EYS: variants seen among roughly 807,000 people sequenced by gnomAD.
EYS encodes protein eyes shut homolog.
Under a neutral mutation model 282.1 loss-of-function variants are expected in EYS, and 250 were observed. The observed-to-expected ratio is 0.89, with a 90% confidence interval of 0.80 to 0.98. EYS has a LOEUF of 0.98. Ranked by LOEUF, EYS falls within the 50% of genes least tolerant of loss-of-function variation. EYS has a pLI of 0.00. For synonymous variants in EYS, 1,355 were observed against 1,282.9 expected (o/e 1.06, Z -1.20); for missense variants, 4,016 against 3,709.0 (o/e 1.08, Z -2.15).
At chr6:65,426,858 T>C (rs917987577) in intron 5 of EYS, among the ~76,000 whole-genome samples, 1 of 152,130 alleles carries the variant, frequency 6.6e-6, no homozygotes, top group African/African-American at 2.4e-5. Flanking sequence ...ATATGTAACA[T>C]CTAAAAATGA....
At chr6:65,600,976 C>A (rs962521046) in intron 2 of EYS, among the ~76,000 whole-genome samples, 29 of 151,638 alleles carry the variant, frequency 1.9e-4, no homozygotes, top group African/African-American at 6.8e-4. Flanking sequence ...ATGTCTATTT[C>A]TTTATATGAG....
chr6:64,605,322 G>A (rs578234354), intron 24 of EYS, among the ~76,000 whole-genome samples: 1 of 151,856 alleles, frequency 6.6e-6, no homozygotes, highest in African/African-American at 2.4e-5. Flanking sequence ...AAAAAAGTTT[G>A]AATGTTAAAG....
intron 12 of EYS, among the ~76,000 whole-genome samples, chr6:65,095,523 A>G (rs1774714164): frequency 6.6e-6 from 1 of 151,178 alleles, no homozygotes; most frequent in Non-Finnish European, 1.5e-5. Context: ...ATATAAATAC[A>G]TTAAAGCATC....
intron 35 of EYS, among the ~76,000 whole-genome samples, chr6:63,889,942 GA>G (rs901682837): frequency 6.7e-5 from 10 of 148,646 alleles, no homozygotes; most frequent in African/African-American, 2.2e-4. Flanking sequence ...CCAAGCAGAT[GA>G]AAAAAAAAGC....
intron 29 of EYS, among the ~76,000 whole-genome samples, chr6:64,310,549 G>C (rs1769652367): frequency 6.6e-6 from 1 of 152,154 alleles, no homozygotes; most frequent in Non-Finnish European, 1.5e-5. Flanking sequence ...TGGATACATA[G>C]AGGTGAACAA....
intron 18 of EYS, among the ~76,000 whole-genome samples, chr6:64,899,735 C>T (rs577391426): frequency 1.5e-4 from 23 of 151,700 alleles, no homozygotes; most frequent in Non-Finnish European, 3.1e-4. Flanking sequence ...AGAAAGGACA[C>T]AAAAAAATGA....
At chr6:63,835,010 T>C (rs7761994) in intron 36 of EYS, among the ~76,000 whole-genome samples, 142,013 of 142,144 alleles carry the variant, frequency 1, 70,941 homozygotes, top group Non-Finnish European at 1. Context: ...AATGAGAACA[T>C]TTGGACACAG....
chr6:64,650,351 T>C (rs1768514007), intron 22 of EYS, among the ~76,000 whole-genome samples: 1 of 151,976 alleles, frequency 6.6e-6, no homozygotes, highest in African/African-American at 2.4e-5. Context: ...TTAAAAATAC[T>C]TAACAAAACC....
chr6:63,738,298 T>G (rs1768978498), intron 41 of EYS, among the ~76,000 whole-genome samples: 1 of 152,164 alleles, frequency 6.6e-6, no homozygotes, highest in African/African-American at 2.4e-5. Flanking sequence ...GTATGTTTAT[T>G]GTGACACTAT....
intron 31 of EYS, among the ~76,000 whole-genome samples, chr6:64,085,778 G>T (rs924670806): frequency 6.6e-6 from 1 of 152,010 alleles, no homozygotes; most frequent in African/African-American, 2.4e-5. Flanking sequence ...AAGTTATATG[G>T]TATCACAAAA....
At chr6:65,392,504 G>T (rs1766084879) in intron 7 of EYS, among the ~76,000 whole-genome samples, 1 of 152,156 alleles carries the variant, frequency 6.6e-6, no homozygotes, top group Non-Finnish European at 1.5e-5. Context: ...ATCAAAAAGT[G>T]GGAGAAGGAT....
intron 35 of EYS, among the ~76,000 whole-genome samples, chr6:63,918,237 C>T (rs976029480): frequency 3.3e-5 from 5 of 152,002 alleles, no homozygotes; most frequent in African/African-American, 9.6e-5. Flanking sequence ...CATGAGATTA[C>T]GTGATTAATT....
At chr6:65,384,585 G>A in intron 7 of EYS, 85 bp from the exon 8 acceptor site, 1 of 724,176 alleles carries the variant, frequency 1.4e-6, no homozygotes, top group East Asian at 2.7e-5. Context: ...AAAGGAATAA[G>A]GCTTTGTTTA....
chr6:64,924,327 C>A (rs960702903), intron 15 of EYS, among the ~76,000 whole-genome samples: 19 of 152,136 alleles, frequency 1.2e-4, no homozygotes, highest in Admixed American at 1.2e-3. Flanking sequence ...CCCTAGGCTG[C>A]ACACAGTATG....
At chr6:65,628,647 G>A (rs745721652) in intron 2 of EYS, among the ~76,000 whole-genome samples, 18 of 151,886 alleles carry the variant, frequency 1.2e-4, no homozygotes, top group Admixed American at 1.3e-4. Context: ...CTCCAGACGC[G>A]CTACCTTAAG....
chr6:65,676,750 T>C (rs1245001701), intron 1 of EYS, among the ~76,000 whole-genome samples: 1 of 151,684 alleles, frequency 6.6e-6, no homozygotes, highest in Non-Finnish European at 1.5e-5. Context: ...TTAAAAACAC[T>C]AGAAAAAAAT....
intron 33 of EYS, among the ~76,000 whole-genome samples, chr6:64,002,042 C>T (rs1283354204): frequency 6.6e-6 from 1 of 152,180 alleles, no homozygotes. Flanking sequence ...CCCATATAAA[C>T]CTGAGACATT....
chr6:65,607,609 A>T (rs1020844994), intron 2 of EYS, among the ~76,000 whole-genome samples: 2 of 149,242 alleles, frequency 1.3e-5, no homozygotes, highest in Non-Finnish European at 3.0e-5. Context: ...AATCAAACTC[A>T]TCTTAAATTT....
chr6:63,801,454 G>A (rs1445111473), intron 37 of EYS, among the ~76,000 whole-genome samples: 4 of 152,080 alleles, frequency 2.6e-5, no homozygotes, highest in Admixed American at 2.0e-4. Flanking sequence ...GAATGAAAGG[G>A]AAAAATTGAG....
Sources: allele counts gnomAD v4.1 joint callset (sites outside exome capture counted in the v4.1 genomes callset), GRCh38; gene constraint gnomAD v4.1.1; transcripts MANE v1.5; gene names NCBI Gene and HGNC (gene_info 2026-07-23, HGNC 2026-07-21).